Variants in TFDP1 observed in about 807,000 individuals in gnomAD.
TFDP1 encodes the protein transcription factor Dp-1.
Under a neutral mutation model 48.0 loss-of-function variants are expected in TFDP1, and 6 were observed. That is an observed-to-expected ratio of 0.13 (90% CI 0.07 to 0.25). The LOEUF (loss-of-function observed/expected upper bound fraction) is 0.25, where lower values mean the gene tolerates loss of function less well. Ranked by LOEUF, TFDP1 falls within the 10% of genes least tolerant of loss-of-function variation. The probability of loss-of-function intolerance (pLI) is 1.00; values close to 1 mark genes in which losing one functional copy is unlikely to be tolerated. For synonymous variants in TFDP1, 201 were observed against 211.6 expected (o/e 0.95, Z 0.44); for missense variants, 335 against 543.0 (o/e 0.62, Z 3.81).
At position 113,633,579 on chromosome 13, in the gene TFDP1, TTG is replaced by T. The variant is rs2049394953; in HGVS notation, c.474+296_474+297del. Among the ~76,000 whole-genome samples, 1 of 152,190 alleles carries T rather than the reference TTG, an allele frequency of 6.6e-6. No homozygotes were observed. The highest frequency in any genetic ancestry group is 1.5e-5 in the Non-Finnish European group (1 of 68,034). Reference sequence around the variant, plus strand: ...CCGATCCATTTGCTGGCACGATGCTTTGTCAACTCCAGTGAGTGAGCACGTGG... The same window carrying T: ...CCGATCCATTTGCTGGCACGATGCTTTCAACTCCAGTGAGTGAGCACGTGG... On this transcript the variant is annotated intron_variant, in intron 6 of 11. Transcript: ENST00000375370. The surrounding 1 kb of genome is among the most constrained non-coding windows in gnomAD (Gnocchi z 4.5).
chr13:113,614,441 A>G (rs1257456363), intron 3 of TFDP1, among the ~76,000 whole-genome samples: 1 of 152,066 alleles, frequency 6.6e-6, no homozygotes, highest in Non-Finnish European at 1.5e-5. Flanking sequence ...GCCAGTGAGC[A>G]AGGCTCTGCC....
intron 11 of TFDP1, 67 bp from the exon 12 acceptor site, chr13:113,640,053 C>G: frequency 8.3e-7 from 1 of 1,207,990 alleles, no homozygotes; most frequent in Non-Finnish European, 1.2e-6. Flanking sequence ...TGACCACAAG[C>G]CCTGAGGCGG....
At chr13:113,615,507 C>T (rs996882146) in intron 3 of TFDP1, among the ~76,000 whole-genome samples, 5 of 152,228 alleles carry the variant, frequency 3.3e-5, no homozygotes, top group Admixed American at 2.0e-4. Flanking sequence ...CGGGAGGCCA[C>T]AGCTGGCCTG....
rs1201178170 is a variant in TFDP1, at chr13:113,637,829, G to A, written c.1018G>A (p.Gly340Arg). ...LEPYVTEMAQ[G>R]TVGGVFITTA... ...CTTTCCCTTTTCAGAAATGGCTCAG[G>A]GAACTGTTGGAGGCGTGTTCATCAC... Residue 340 changes from glycine to arginine, a missense_variant, in exon 11 of 12, where the codon GGA becomes AGA. This residue lies in a region of TFDP1 where 204 missense variants were observed against 287.1 expected (regional missense o/e 0.71). Transcript: ENST00000375370. The A allele has an allele frequency of 1.2e-6, 2 of 1,614,244 alleles. No individual in the cohort carries two copies. The highest frequency in any genetic ancestry group is 2.2e-5 in the South Asian group (2 of 91,086).
intron 4 of TFDP1, among the ~76,000 whole-genome samples, chr13:113,630,162 C>CAT (rs1051395211): frequency 7.2e-6 from 1 of 139,354 alleles, no homozygotes; most frequent in Non-Finnish European, 1.5e-5. Flanking sequence ...GCAGCACACA[C>CAT]ACACACACAC....
chr13:113,585,727 C>G, intron 1 of TFDP1, 47 bp from the exon 2 acceptor site: 1 of 1,179,984 alleles, frequency 8.5e-7, no homozygotes, highest in Non-Finnish European at 1.2e-6. Context: ...GTTTTTCATT[C>G]TTACTTATTT....
chr13:113,599,813 C>T (rs1182842314), intron 2 of TFDP1, among the ~76,000 whole-genome samples: 4 of 151,594 alleles, frequency 2.6e-5, no homozygotes, highest in South Asian at 2.1e-4. Flanking sequence ...AACCCAGGAC[C>T]GTGAGAGAGA....
chr13:113,603,184 T>C (rs1160059953), intron 2 of TFDP1, among the ~76,000 whole-genome samples: 1 of 152,164 alleles, frequency 6.6e-6, no homozygotes, highest in East Asian at 1.9e-4. Flanking sequence ...GGGGTCCAGG[T>C]GTATGCCCCA....
chr13:113,606,635 CGT>C (rs1379934756), intron 2 of TFDP1, among the ~76,000 whole-genome samples: 1 of 152,170 alleles, frequency 6.6e-6, no homozygotes, highest in African/African-American at 2.4e-5. Context: ...CTCCCGCTCA[CGT>C]CTCCCCAGTT....
chr13:113,589,855 C>T (rs1481592440), intron 2 of TFDP1, among the ~76,000 whole-genome samples: 1 of 152,220 alleles, frequency 6.6e-6, no homozygotes, highest in African/African-American at 2.4e-5. Flanking sequence ...CCTGCCTGCC[C>T]AGGCAGCATG....
chr13:113,613,205 G>A (rs1594466879), intron 3 of TFDP1, among the ~76,000 whole-genome samples: 1 of 152,298 alleles, frequency 6.6e-6, no homozygotes, highest in African/African-American at 2.4e-5. Context: ...TAGTAGAGAT[G>A]GGGTTTCACC....
chr13:113,632,771 G>A (rs572934481), intron 5 of TFDP1, among the ~76,000 whole-genome samples: 3 of 152,272 alleles, frequency 2.0e-5, no homozygotes, highest in Admixed American at 2.0e-4. Flanking sequence ...GCGAGACTCC[G>A]TCTCAAAAAA....
chr13:113,595,475 G>A (rs1448992624), intron 2 of TFDP1, among the ~76,000 whole-genome samples: 7 of 152,312 alleles, frequency 4.6e-5, no homozygotes, highest in Middle Eastern at 3.4e-3. Flanking sequence ...GGATCTGTCC[G>A]AGAGAGTCCT....
intron 2 of TFDP1, among the ~76,000 whole-genome samples, chr13:113,592,710 A>G (rs935730593): frequency 6.6e-6 from 1 of 152,250 alleles, no homozygotes; most frequent in Non-Finnish European, 1.5e-5. Context: ...CAGCATTGCC[A>G]ACACATCCCT....
upstream of TFDP1, chr13:113,584,716 C>T (rs1280715235): frequency 6.8e-6 from 1 of 147,408 alleles, no homozygotes; most frequent in African/African-American, 2.4e-5. Flanking sequence ...CACGCCGGCC[C>T]GACGCTCGGC....
chr13:113,602,982 A>AC, intron 2 of TFDP1, among the ~76,000 whole-genome samples: 1 of 137,302 alleles, frequency 7.3e-6, no homozygotes, highest in Non-Finnish European at 1.5e-5. Context: ...AAAAAAAAAA[A>AC]AAAACGTATA....
chr13:113,596,979 G>A (rs2048303296), intron 2 of TFDP1, among the ~76,000 whole-genome samples: 1 of 152,204 alleles, frequency 6.6e-6, no homozygotes, highest in African/African-American at 2.4e-5. Context: ...TTGTGGGTGG[G>A]CGTCAAACCC....
rs2049618305 is a variant in TFDP1, at chr13:113,640,588, T to C, written c.*321T>C. The stretch of plus-strand genomic sequence containing the variant: ...TTTTTGCTGAGTTTGCTGAAGAAAT[T>C]GTATTTCAACCACATCCATGAAAAT... On this transcript the variant is annotated 3_prime_UTR_variant, in exon 12 of 12. Transcript: ENST00000375370. The C allele has an allele frequency of 3.4e-6, 1 of 296,312 alleles. No homozygotes were observed. The highest frequency in any genetic ancestry group is 6.3e-6 in the Non-Finnish European group (1 of 157,778). The allele number at this position is 296,312 out of a possible 1,614,324, so 18.4% of individuals were successfully genotyped here. A position where few individuals can be genotyped will look rare whatever the true frequency, so the allele number is the denominator to read the frequency against.
Position 113,607,305 on chromosome 13 carries a change from G to T in TFDP1, c.13-3691G>T, listed in dbSNP as rs538349009. ...GGCCAGCCGTGAGCTGCGGGTGCTT[G>T]CCAGGGATCTGGTGACACCTGGGCA... On this transcript the variant is annotated intron_variant, in intron 2 of 11. Coordinates refer to ENST00000375370, the MANE Select transcript of TFDP1 (RefSeq NM_007111.5). The surrounding 1 kb of genome is among the most constrained non-coding windows in gnomAD (Gnocchi z 5.2). Among the ~76,000 whole-genome samples, 10 of 152,372 alleles carry T rather than the reference G, an allele frequency of 6.6e-5. No individual in the cohort carries two copies. Among genetic ancestry groups the T allele is most frequent in the African/African-American group, 2.4e-4 (10 of 41,594 alleles).
Sources: allele counts gnomAD v4.1 joint callset (sites outside exome capture counted in the v4.1 genomes callset), GRCh38; gene constraint gnomAD v4.1.1; regional missense constraint gnomAD v4.1.1; non-coding constraint Gnocchi (gnomAD v3.1); transcripts MANE v1.5; gene names NCBI Gene and HGNC (gene_info 2026-07-23, HGNC 2026-07-21).